The following CACNA2D3 variants were observed in gnomAD, a reference collection of about 807,000 sequenced individuals.
CACNA2D3 encodes voltage-dependent calcium channel subunit alpha-2/delta-3.
CACNA2D3 carries 60 observed loss-of-function variants against 160.6 expected under a neutral mutation model. The ratio of observed to expected loss-of-function variants is 0.37; its 90% CI spans 0.30 to 0.46. The LOEUF (loss-of-function observed/expected upper bound fraction) is 0.46, where lower values mean the gene tolerates loss of function less well. Among genes scored for constraint, CACNA2D3 ranks in the 20% least tolerant of loss-of-function variants. The pLI, the probability that CACNA2D3 is intolerant of heterozygous loss-of-function variation, is 1.00. For missense variants in CACNA2D3, 1,205 were observed against 1,365.0 expected (o/e 0.88, Z 1.85); for synonymous variants, 558 against 492.9 (o/e 1.13, Z -1.75).
intron 31 of CACNA2D3, among the ~76,000 whole-genome samples, chr3:55,002,300 C>T (rs1435557075): frequency 6.6e-6 from 1 of 152,184 alleles, no homozygotes; most frequent in Non-Finnish European, 1.5e-5. Flanking sequence ...CTGGCTCTGG[C>T]ACATGTTTTA....
Position 54,252,100 on chromosome 3 carries a change from G to GTTTTTTTTTTTTTTTTTTTTTTTTTTTT in CACNA2D3, c.205-68328_205-68327insTTTTTTTTTTTTTTTTTTTTTTTTTTTT, listed in dbSNP as rs548233026. 4.3e-4 allele frequency among the ~76,000 whole-genome samples: 52 copies of GTTTTTTTTTTTTTTTTTTTTTTTTTTTT among 120,962 alleles called. 3 individuals carry two copies. The highest frequency in any genetic ancestry group is 1.7e-3 in the African/African-American group (50 of 29,196). The allele number at this position is 120,962 out of a possible 152,430, so 79.4% of individuals were successfully genotyped here. A position where few individuals can be genotyped will look rare whatever the true frequency, so the allele number is the denominator to read the frequency against. ...TCCAATTTCTCTTTTTGCAGAGCTAGTTTTTTTTTTTTTTGTACGATACTC... is the reference window on the plus strand; with the variant it reads ...TCCAATTTCTCTTTTTGCAGAGCTAGTTTTTTTTTTTTTTTTTTTTTTTTTTTTTTTTTTTTTTTTTTGTACGATACTC... On this transcript the variant is annotated intron_variant, in intron 2 of 37. Transcript: ENST00000474759.
At chr3:54,932,537 A>G (rs1422924990) in intron 27 of CACNA2D3, among the ~76,000 whole-genome samples, 4 of 152,212 alleles carry the variant, frequency 2.6e-5, no homozygotes, top group Admixed American at 6.5e-5. Flanking sequence ...CCTTTACTGG[A>G]ATATTTGAGA....
intron 23 of CACNA2D3, 69 bp from the exon 24 acceptor site, chr3:54,887,890 C>A: frequency 8.8e-7 from 1 of 1,132,918 alleles, no homozygotes; most frequent in South Asian, 1.2e-5. Flanking sequence ...GCACAATGAG[C>A]CCATGAGTGC....
chr3:54,553,484 CAG>C (rs1323204740), intron 5 of CACNA2D3, among the ~76,000 whole-genome samples: 1 of 152,192 alleles, frequency 6.6e-6, no homozygotes, highest in African/African-American at 2.4e-5. Flanking sequence ...TTAGGAAAGA[CAG>C]AGATCCTTTC....
chr3:54,267,412 G>A (rs1340440595), intron 2 of CACNA2D3, among the ~76,000 whole-genome samples: 12 of 152,190 alleles, frequency 7.9e-5, no homozygotes. Context: ...GGTTTAGAGA[G>A]TTAATAAGTT....
intron 27 of CACNA2D3, among the ~76,000 whole-genome samples, chr3:54,949,451 A>G (rs1008903892): frequency 1.3e-5 from 2 of 152,178 alleles, no homozygotes; most frequent in Admixed American, 1.3e-4. Flanking sequence ...TATGAATCAC[A>G]TCAGGCAAGT....
At chr3:54,588,565 A>G (rs1387665262) in intron 9 of CACNA2D3, among the ~76,000 whole-genome samples, 1 of 152,106 alleles carries the variant, frequency 6.6e-6, no homozygotes, top group Admixed American at 6.5e-5. Flanking sequence ...GAATCTACAC[A>G]CAAAAAAATT....
At chr3:54,713,096 G>A (rs918796330) in intron 11 of CACNA2D3, among the ~76,000 whole-genome samples, 14 of 152,166 alleles carry the variant, frequency 9.2e-5, no homozygotes, top group Non-Finnish European at 1.8e-4. Flanking sequence ...AGTCACATAA[G>A]CAAATGTTCA....
In CACNA2D3 at chr3:54,569,836, G is replaced by A. The variant is rs752219073; in HGVS notation, c.718G>A (p.Asp240Asn). 5.0e-6 allele frequency: 8 copies of A among 1,607,736 alleles called. No individual in the cohort carries two copies. Among genetic ancestry groups the A allele is most frequent in the South Asian group, 2.2e-5 (2 of 89,906 alleles). ...AGATGAGAATGGAGTCATTGCCTTC[G>A]ACTGCAGGAACCGAAAATGGTAGGC... Reference protein sequence around the residue: ...EPDENGVIAFDCRNRKWYIQA... With the variant: ...EPDENGVIAFNCRNRKWYIQA... The change falls in exon 7 of 38, where the codon GAC becomes AAC. Residue 240 changes from aspartate (D) to asparagine (N), a missense_variant. Asp to Asn is a conservative substitution (Grantham distance 23). Coordinates refer to ENST00000474759, the MANE Select transcript of CACNA2D3 (RefSeq NM_018398.3).
chr3:54,732,985 C>T (rs1390125028), intron 11 of CACNA2D3, among the ~76,000 whole-genome samples: 1 of 152,206 alleles, frequency 6.6e-6, no homozygotes. Context: ...CTGATCAGAA[C>T]TTCTAAAGTG....
At chr3:54,597,636 G>C (rs1329594646) in intron 9 of CACNA2D3, among the ~76,000 whole-genome samples, 2 of 152,148 alleles carry the variant, frequency 1.3e-5, no homozygotes, top group Non-Finnish European at 2.9e-5. Flanking sequence ...AAAACTGACA[G>C]CTGAAAGAGT....
intron 35 of CACNA2D3, among the ~76,000 whole-genome samples, chr3:55,051,417 G>A (rs562311623): frequency 3.5e-4 from 54 of 152,242 alleles, no homozygotes; most frequent in African/African-American, 1.7e-4. Context: ...TAGGCTGCCC[G>A]GGCGTCAGGG....
At chr3:54,287,250 A>G (rs1452893106) in intron 2 of CACNA2D3, among the ~76,000 whole-genome samples, 1 of 152,208 alleles carries the variant, frequency 6.6e-6, no homozygotes, top group East Asian at 1.9e-4. Flanking sequence ...AAGCAAATGG[A>G]AAACAAAAAA....
intron 27 of CACNA2D3, among the ~76,000 whole-genome samples, chr3:54,954,482 C>A (rs527707866): frequency 6.6e-6 from 1 of 152,234 alleles, no homozygotes; most frequent in African/African-American, 2.4e-5. Flanking sequence ...GGTAGGAAGG[C>A]AGATGCCTGC....
chr3:54,573,463 CTT>C (rs1176186354), intron 8 of CACNA2D3, among the ~76,000 whole-genome samples: 2 of 152,204 alleles, frequency 1.3e-5, no homozygotes, highest in Admixed American at 6.5e-5. Context: ...AGCACACAGT[CTT>C]TTCGCAAAAA....
chr3:54,128,539 G>T (rs1351151384), intron 2 of CACNA2D3, among the ~76,000 whole-genome samples: 3 of 152,136 alleles, frequency 2.0e-5, no homozygotes, highest in Non-Finnish European at 4.4e-5. Context: ...TCACGAAGGA[G>T]CCTGTATTTC....
chr3:54,600,094 T>C (rs1191043612), intron 9 of CACNA2D3, among the ~76,000 whole-genome samples: 1 of 152,084 alleles, frequency 6.6e-6, no homozygotes, highest in Non-Finnish European at 1.5e-5. Flanking sequence ...GAAGGAGCTG[T>C]TGTCTTGCCA....
At chr3:54,815,603 A>G (rs147962645) in intron 13 of CACNA2D3, among the ~76,000 whole-genome samples, 1 of 152,292 alleles carries the variant, frequency 6.6e-6, no homozygotes, top group Non-Finnish European at 1.5e-5. Context: ...CACAATTCCC[A>G]AGTGTTTGGG....
At chr3:55,000,680 T>C (rs1702962711) in intron 31 of CACNA2D3, among the ~76,000 whole-genome samples, 1 of 152,182 alleles carries the variant, frequency 6.6e-6, no homozygotes. Context: ...CCAAGGAGAA[T>C]CCTGAGTTTC....
Sources: gnomAD v4.1 joint callset for allele counts (sites outside exome capture counted in the v4.1 genomes callset) on GRCh38, gnomAD v4.1.1 for gene constraint, MANE v1.5 for transcripts, NCBI Gene and HGNC (gene_info 2026-07-23, HGNC 2026-07-21) for gene names.